The following CADPS variants were observed in gnomAD, a reference collection of about 807,000 sequenced individuals.
The protein encoded by CADPS is calcium-dependent secretion activator 1.
Under a neutral mutation model 167.3 loss-of-function variants are expected in CADPS, and 57 were observed. The ratio of observed to expected loss-of-function variants is 0.34; its 90% CI spans 0.28 to 0.42. CADPS has a LOEUF of 0.42. CADPS is among the 20% of genes least tolerant of loss of function. The pLI is 1.00. For missense variants in CADPS, 1,414 were observed against 1,738.1 expected, an observed-to-expected ratio of 0.81 and a Z score of 3.32; for synonymous variants, 676 against 635.3, an observed-to-expected ratio of 1.06 and a Z score of -0.96.
rs150866457 is a variant in CADPS at position 62,662,112 on chromosome 3, C to T, written c.969+202G>A. 3.9e-4 allele frequency among the ~76,000 whole-genome samples: 60 copies of T among 152,274 alleles called. 1 individual carries two copies. The East Asian group carries it at 0.011, about 28-fold the overall frequency. ...TTGGAGGTCTGAGCTTGGGTATTCA[C>T]TGGAGCATAGGAAATGCATGAGGTA... On this transcript the variant is annotated intron_variant, in intron 4 of 29. Coordinates refer to ENST00000383710, the MANE Select transcript of CADPS (RefSeq NM_003716.4).
chr3:62,441,451 T>C (rs773866082), intron 27 of CADPS, among the ~76,000 whole-genome samples: 1 of 152,168 alleles, frequency 6.6e-6, no homozygotes, highest in Admixed American at 6.5e-5. Context: ...GCCCTACTTA[T>C]GAATGCAAAT....
At chr3:62,511,907 A>C (rs1360202178) in intron 17 of CADPS, among the ~76,000 whole-genome samples, 1 of 152,186 alleles carries the variant, frequency 6.6e-6, no homozygotes, top group African/African-American at 2.4e-5. Context: ...TGAATGAATG[A>C]GTGAATAAAT....
intron 28 of CADPS, among the ~76,000 whole-genome samples, chr3:62,431,813 C>T (rs2054022788): frequency 6.6e-6 from 1 of 151,020 alleles, no homozygotes; most frequent in African/African-American, 2.4e-5. Flanking sequence ...TGACCATTAA[C>T]TTTAAAAAGC....
At chr3:62,510,457 G>A (rs2067573043) in intron 17 of CADPS, among the ~76,000 whole-genome samples, 1 of 152,158 alleles carries the variant, frequency 6.6e-6, no homozygotes, top group Non-Finnish European at 1.5e-5. Flanking sequence ...TTCAGAATGT[G>A]TGACGGTTTA....
At chr3:62,745,225 C>T (rs2081200268) in intron 3 of CADPS, among the ~76,000 whole-genome samples, 1 of 152,170 alleles carries the variant, frequency 6.6e-6, no homozygotes, top group African/African-American at 2.4e-5. Flanking sequence ...AGCTACCACG[C>T]CCAGCTAAAT....
chr3:62,554,671 T>C (rs1209032881), intron 10 of CADPS, among the ~76,000 whole-genome samples: 2 of 152,204 alleles, frequency 1.3e-5, no homozygotes, highest in African/African-American at 4.8e-5. Context: ...AGTGCTTATT[T>C]AAATACAAAG....
chr3:62,639,921 G>A (rs1168868668), intron 6 of CADPS, among the ~76,000 whole-genome samples: 1 of 151,854 alleles, frequency 6.6e-6, no homozygotes, highest in Non-Finnish European at 1.5e-5. Context: ...TCTTCCCTAT[G>A]CCCCCACTAC....
intron 2 of CADPS, among the ~76,000 whole-genome samples, chr3:62,755,369 T>C (rs2083621449): frequency 6.6e-6 from 1 of 152,140 alleles, no homozygotes; most frequent in African/African-American, 2.4e-5. Context: ...GGTTCTGGGG[T>C]GTAATACAAG....
chr3:62,604,445 G>A (rs1025660596), intron 6 of CADPS, among the ~76,000 whole-genome samples: 27 of 152,200 alleles, frequency 1.8e-4, no homozygotes, highest in African/African-American at 6.5e-4. Context: ...CTGGAAGTCC[G>A]GCTGAGCCTG....
intron 13 of CADPS, among the ~76,000 whole-genome samples, chr3:62,522,148 T>TCTAA (rs1285058695): frequency 2.1e-5 from 3 of 143,722 alleles, no homozygotes; most frequent in African/African-American, 7.8e-5. Context: ...TATCTATCTA[T>TCTAA]CTAACTATTG....
chr3:62,727,090 G>T (rs1347050827), intron 3 of CADPS, among the ~76,000 whole-genome samples: 1 of 151,776 alleles, frequency 6.6e-6, no homozygotes, highest in African/African-American at 2.4e-5. Context: ...TCTATTTATA[G>T]ATATCTAGAT....
intron 3 of CADPS, among the ~76,000 whole-genome samples, chr3:62,741,193 G>A (rs1214307513): frequency 1.3e-5 from 2 of 152,134 alleles, no homozygotes; most frequent in Non-Finnish European, 2.9e-5. Flanking sequence ...TATCCCAGCT[G>A]TACAAGGAAG....
intron 3 of CADPS, among the ~76,000 whole-genome samples, chr3:62,728,007 C>T (rs1044396208): frequency 2.0e-5 from 3 of 151,728 alleles, no homozygotes; most frequent in African/African-American, 7.3e-5. Flanking sequence ...ATACATTGCA[C>T]CCTTTGATTA....
At chr3:62,716,780 T>C (rs1412359788) in intron 3 of CADPS, among the ~76,000 whole-genome samples, 2 of 152,204 alleles carry the variant, frequency 1.3e-5, no homozygotes, top group Non-Finnish European at 2.9e-5. Context: ...GACTGATTTT[T>C]TTTGGTTGAA....
At chr3:62,612,055 A>G (rs1048588515) in intron 6 of CADPS, among the ~76,000 whole-genome samples, 4 of 152,232 alleles carry the variant, frequency 2.6e-5, no homozygotes, top group African/African-American at 9.6e-5. Context: ...GACACTTAAC[A>G]AATATTTTTG....
At chr3:62,872,723 G>T (rs1162245377) in intron 1 of CADPS, among the ~76,000 whole-genome samples, 1 of 152,130 alleles carries the variant, frequency 6.6e-6, no homozygotes, top group East Asian at 1.9e-4. Context: ...GTCTCTGTGG[G>T]ATTTCTTTCT....
At chr3:62,725,379 T>C (rs1224663077) in intron 3 of CADPS, among the ~76,000 whole-genome samples, 1 of 152,232 alleles carries the variant, frequency 6.6e-6, no homozygotes, top group Non-Finnish European at 1.5e-5. Flanking sequence ...TTTAGACATT[T>C]CTCTGTACAT....
In CADPS at chr3:62,403,152, T is replaced by C. The variant is rs752313498; in HGVS notation, c.3811A>G (p.Thr1271Ala). The change falls in exon 29 of 30, where the codon ACC becomes GCC. Residue 1271 changes from threonine (T) to alanine (A), a missense_variant. By Grantham distance (58) the Thr-to-Ala change is moderately conservative (BLOSUM62 0). This residue lies in a region of CADPS where 185 missense variants were observed against 251.5 expected (regional missense o/e 0.74). Coordinates refer to ENST00000383710, the MANE Select transcript of CADPS (RefSeq NM_003716.4). ...AAGTCCATCCGGTCCGTCAACCAGG[T>C]GCAGATCACGTTCATGGAGCTGTTG... ...WYNSSMNVIC[T>A]WLTDRMDLQL... 4 of 1,613,666 alleles carry C rather than the reference T, an allele frequency of 2.5e-6. No homozygotes were observed. Among genetic ancestry groups the C allele is most frequent in the Non-Finnish European group, 2.5e-6 (3 of 1,179,682 alleles).
At chr3:62,551,183 C>G (rs931329998) in intron 10 of CADPS, among the ~76,000 whole-genome samples, 2 of 152,156 alleles carry the variant, frequency 1.3e-5, no homozygotes, top group Non-Finnish European at 2.9e-5. Context: ...TGATAGACAT[C>G]CCAAGCTTGT....
Sources: allele counts gnomAD v4.1 joint callset (sites outside exome capture counted in the v4.1 genomes callset), GRCh38; gene constraint gnomAD v4.1.1; regional missense constraint gnomAD v4.1.1; transcripts MANE v1.5; gene names NCBI Gene and HGNC (gene_info 2026-07-23, HGNC 2026-07-21).